NF1: variants seen among roughly 807,000 people sequenced by gnomAD.
NF1 encodes neurofibromin.
A neutral mutation model predicts 325.7 loss-of-function variants in NF1; 122 were observed. The ratio of observed to expected loss-of-function variants is 0.37; its 90% CI spans 0.32 to 0.44. The LOEUF is 0.44. Ranked by LOEUF, NF1 falls within the 20% of genes least tolerant of loss-of-function variation. NF1 has a pLI of 1.00. For missense variants in NF1, 2,140 were observed against 3,415.4 expected (o/e 0.63, Z 9.31); for synonymous variants, 1,091 against 1,186.0 (o/e 0.92, Z 1.65).
At chr17:31,160,588 C>T (rs1287346135) in intron 3 of NF1, among the ~76,000 whole-genome samples, 1 of 152,118 alleles carries the variant, frequency 6.6e-6, no homozygotes, top group Non-Finnish European at 1.5e-5. Flanking sequence ...GATGATGGAA[C>T]TGGGAAGATG....
In NF1 at chr17:31,357,445, G is replaced by C; in HGVS notation, c.7970+76G>C. 3 of 1,177,088 alleles carry C rather than the reference G, an allele frequency of 2.5e-6. No individual in the cohort carries two copies. In the South Asian group the frequency reaches 3.7e-5, roughly 14 times the overall value. 72.9% of individuals were successfully genotyped at this position (1,177,088 alleles called of 1,614,324 possible). On this transcript the variant is annotated intron_variant, in intron 54 of 57. Transcript: ENST00000358273. ...AAATGCTTACCCAGTAATGTGCACTGGTTGCAAAGAGGGCAAAATGAGATA... is the reference window on the plus strand; with the variant it reads ...AAATGCTTACCCAGTAATGTGCACTCGTTGCAAAGAGGGCAAAATGAGATA...
At position 31,356,566 on chromosome 17, in the gene NF1, A is replaced by C; in HGVS notation, c.7722A>C (p.Glu2574Asp). The C allele has an allele frequency of 6.2e-7, 1 of 1,613,760 alleles. No individual in the cohort carries two copies. Among genetic ancestry groups the C allele is most frequent in the Non-Finnish European group, 8.5e-7 (1 of 1,179,748 alleles). ...TTPPKMRRVA[E>D]TDYEMETQRI... ...CCCCCAAAATGAGGAGAGTAGCAGAAACTGATTATGAAATGGGTGAGAAAC... is the reference window on the plus strand; with the variant it reads ...CCCCCAAAATGAGGAGAGTAGCAGACACTGATTATGAAATGGGTGAGAAAC... Residue 2574 changes from glutamate to aspartate, a missense_variant, in exon 52 of 58, where the codon GAA becomes GAC. Transcript: ENST00000358273.
chr17:31,120,629 C>T (rs1326558249), intron 1 of NF1, among the ~76,000 whole-genome samples: 1 of 152,102 alleles, frequency 6.6e-6, no homozygotes, highest in East Asian at 1.9e-4. Flanking sequence ...CTGGCCAGAA[C>T]TTCCAATACT....
chr17:31,313,030 G>A (rs544722459), intron 36 of NF1, among the ~76,000 whole-genome samples: 1 of 152,080 alleles, frequency 6.6e-6, no homozygotes, highest in East Asian at 1.9e-4. Context: ...TTTGATTATT[G>A]ACTAACATTT....
chr17:31,230,016 T>G (rs745367100), intron 22 of NF1, 42 bp downstream of exon 22: 1 of 1,609,344 alleles, frequency 6.2e-7, no homozygotes, highest in Non-Finnish European at 8.5e-7. Flanking sequence ...TTTTAAGAGA[T>G]AAGAAAAACC....
intron 36 of NF1, among the ~76,000 whole-genome samples, chr17:31,266,764 T>G (rs1391289795): frequency 2.6e-5 from 4 of 151,746 alleles, no homozygotes; most frequent in African/African-American, 9.7e-5. Flanking sequence ...CAGAAACTGT[T>G]ATATTTGTAT....
intron 8 of NF1, among the ~76,000 whole-genome samples, chr17:31,198,723 T>G (rs2066476657): frequency 6.6e-6 from 1 of 152,138 alleles, no homozygotes; most frequent in African/African-American, 2.4e-5. Flanking sequence ...CAAGTGATTC[T>G]CCTGCTTCAG....
intron 27 of NF1, among the ~76,000 whole-genome samples, 166 bp downstream of exon 27, chr17:31,233,379 A>G (rs963885268): frequency 6.6e-6 from 1 of 152,240 alleles, no homozygotes; most frequent in African/African-American, 2.4e-5. Flanking sequence ...GGTTGGCACC[A>G]CTAGACCTGA....
chr17:31,352,204 G>T (rs2070164152), intron 50 of NF1, 53 bp from the exon 51 acceptor site: 1 of 1,558,666 alleles, frequency 6.4e-7, no homozygotes, highest in Admixed American at 1.7e-5. Context: ...GCAAACGATG[G>T]TTGTATTTGT....
chr17:31,356,654 C>A, intron 52 of NF1, 72 bp downstream of exon 52: 1 of 1,587,828 alleles, frequency 6.3e-7, no homozygotes, highest in Non-Finnish European at 8.6e-7. Flanking sequence ...TGTTTATTTT[C>A]CAGCCATTTC....
rs2066875204 is a variant in NF1, at chr17:31,219,050, T to A, written c.1573T>A (p.Leu525Ile). 1.2e-6 allele frequency: 2 copies of A among 1,613,782 alleles called. No individual in the cohort carries two copies. The highest frequency in any genetic ancestry group is 2.7e-5 in the African/African-American group (2 of 74,892). Residue 525 changes from leucine (L) to isoleucine (I), a missense_variant, in exon 14 of 58, where the codon TTA (leucine) becomes ATA (isoleucine). Physicochemically the swap from Leu to Ile is conservative, Grantham distance 5. Transcript: ENST00000358273. ...GPETQGSTAELITGLVQLVPQ... is the reference protein window; with the variant it reads ...GPETQGSTAEIITGLVQLVPQ... Reference sequence around the variant, plus strand: ...CGAAACCCAAGGCAGTACAGCAGAATTAATTACAGGGCTCGTCCAACTGGT... The same window carrying A: ...CGAAACCCAAGGCAGTACAGCAGAAATAATTACAGGGCTCGTCCAACTGGT...
chr17:31,136,059 G>A (rs1203555699), intron 1 of NF1, among the ~76,000 whole-genome samples: 1 of 152,072 alleles, frequency 6.6e-6, no homozygotes, highest in Admixed American at 6.6e-5. Context: ...GGCCAGCGCG[G>A]TGGCTCACGC....
At chr17:31,288,010 A>G (rs1378220000) in intron 36 of NF1, among the ~76,000 whole-genome samples, 1 of 151,866 alleles carries the variant, frequency 6.6e-6, no homozygotes, top group East Asian at 1.9e-4. Flanking sequence ...GCAGCACACC[A>G]GCATGGCACA....
intron 27 of NF1, among the ~76,000 whole-genome samples, chr17:31,235,101 CT>C (rs1567852242): frequency 6.6e-6 from 1 of 152,022 alleles, no homozygotes; most frequent in African/African-American, 2.4e-5. Context: ...TGCCCAATTC[CT>C]TTTCTTCCTG....
chr17:31,280,205 T>A (rs1271410533), intron 36 of NF1, among the ~76,000 whole-genome samples: 1 of 151,206 alleles, frequency 6.6e-6, no homozygotes, highest in Admixed American at 6.6e-5. Context: ...TAAAGTTTTT[T>A]TTTAATTTTT....
At chr17:31,357,157 C>A (rs557769168) in intron 53 of NF1, 67 bp downstream of exon 53, 1 of 1,604,008 alleles carries the variant, frequency 6.2e-7, no homozygotes, top group East Asian at 2.2e-5. Flanking sequence ...TTAGGAGGCC[C>A]TTAAATATTA....
chr17:31,160,063 C>T (rs1181695548), intron 3 of NF1, among the ~76,000 whole-genome samples: 8 of 151,824 alleles, frequency 5.3e-5, no homozygotes, highest in Admixed American at 2.6e-4. Context: ...AGGCTGTAAG[C>T]GAAAAAATGT....
At chr17:31,144,158 C>T (rs1370753765) in intron 1 of NF1, among the ~76,000 whole-genome samples, 2 of 152,114 alleles carry the variant, frequency 1.3e-5, no homozygotes, top group African/African-American at 4.8e-5. Flanking sequence ...TTGGTATTCT[C>T]ACAAGTTTAT....
chr17:31,151,642 C>T (rs1916951108), intron 1 of NF1, among the ~76,000 whole-genome samples: 1 of 152,108 alleles, frequency 6.6e-6, no homozygotes, highest in South Asian at 2.1e-4. Context: ...CTCCTGTGTA[C>T]TTTAAATCAT....
Sources: allele counts gnomAD v4.1 joint callset (sites outside exome capture counted in the v4.1 genomes callset), GRCh38; gene constraint gnomAD v4.1.1; transcripts MANE v1.5; gene names NCBI Gene and HGNC (gene_info 2026-07-23, HGNC 2026-07-21).